Variants in GMDS observed in about 807,000 individuals in gnomAD.
The protein encoded by GMDS is GDP-mannose 4,6-dehydratase.
A neutral mutation model predicts 49.9 loss-of-function variants in GMDS; 20 were observed. That is an observed-to-expected ratio of 0.40 (90% CI 0.28 to 0.58). GMDS has a LOEUF of 0.58. Ranked by LOEUF, GMDS falls within the 20% of genes least tolerant of loss-of-function variation. The pLI is 0.42. For missense variants in GMDS, 362 were observed against 481.4 expected, an observed-to-expected ratio of 0.75 and a Z score of 2.32; for synonymous variants, 177 against 178.6, an observed-to-expected ratio of 0.99 and a Z score of 0.07.
chr6:1,939,910 C>T (rs569087377), intron 6 of GMDS, among the ~76,000 whole-genome samples: 3 of 152,222 alleles, frequency 2.0e-5, no homozygotes, highest in East Asian at 3.9e-4. Flanking sequence ...ATGCCGTAGA[C>T]GTAAGGAAGA....
chr6:1,818,654 C>T (rs969883148), intron 7 of GMDS, among the ~76,000 whole-genome samples: 1 of 146,982 alleles, frequency 6.8e-6, no homozygotes, highest in Non-Finnish European at 1.5e-5. Flanking sequence ...GAAAGGCTAA[C>T]TATCTGGTGG....
At chr6:2,065,916 G>C (rs1771554687) in intron 4 of GMDS, among the ~76,000 whole-genome samples, 1 of 152,168 alleles carries the variant, frequency 6.6e-6, no homozygotes, top group African/African-American at 2.4e-5. Flanking sequence ...AGGAAATACA[G>C]AGAATGCCAC....
intron 9 of GMDS, among the ~76,000 whole-genome samples, chr6:1,676,938 T>TA (rs1236674162): frequency 2.6e-5 from 4 of 152,138 alleles, no homozygotes; most frequent in African/African-American, 4.8e-5. Context: ...AAATGGGATC[T>TA]AATTAAACGA....
intron 6 of GMDS, among the ~76,000 whole-genome samples, chr6:1,937,653 A>T (rs1762615845): frequency 6.6e-6 from 1 of 152,156 alleles, no homozygotes; most frequent in Non-Finnish European, 1.5e-5. Context: ...GCTTTCTCCA[A>T]TGTGTGTCTA....
Position 1,863,829 on chromosome 6 carries a change from G to A in GMDS, c.771+66274C>T, listed in dbSNP as rs569331053. On this transcript the variant is annotated intron_variant, in intron 7 of 10. Transcript: ENST00000380815. ...TACATGTACATTTCTTCACATTTCT[G>A]CATTTTAGCAAATCACAAATTACCA... Among the ~76,000 whole-genome samples, 3 of 152,072 alleles carry A rather than the reference G, an allele frequency of 2.0e-5. No homozygotes were observed. The South Asian group carries it at 6.2e-4, about 32-fold the overall frequency.
At chr6:2,165,400 C>G (rs935577367) in intron 1 of GMDS, among the ~76,000 whole-genome samples, 2 of 152,214 alleles carry the variant, frequency 1.3e-5, no homozygotes, top group African/African-American at 4.8e-5. Context: ...AGGAGAAGAC[C>G]CATGTCCCAG....
chr6:1,785,124 T>G (rs1769264971), intron 7 of GMDS, among the ~76,000 whole-genome samples: 1 of 152,178 alleles, frequency 6.6e-6, no homozygotes, highest in African/African-American at 2.4e-5. Flanking sequence ...TCTAAGAAGT[T>G]GACCCATTAT....
chr6:1,860,316 C>T (rs1401459252), intron 7 of GMDS, among the ~76,000 whole-genome samples: 4 of 152,152 alleles, frequency 2.6e-5, no homozygotes, highest in African/African-American at 9.7e-5. Context: ...CTGATATACA[C>T]AACATGGATA....
intron 9 of GMDS, among the ~76,000 whole-genome samples, chr6:1,668,725 C>A (rs9501752): frequency 0.081 from 8,563 of 105,172 alleles, 716 homozygotes; most frequent in African/African-American, 0.21. Context: ...AACAAACAAA[C>A]AAAAAAAACC....
chr6:1,871,033 C>T (rs2113802777), intron 7 of GMDS, among the ~76,000 whole-genome samples: 1 of 150,152 alleles, frequency 6.7e-6, no homozygotes, highest in East Asian at 2.0e-4. Context: ...AAACTGCATC[C>T]ACCCATCCAT....
At chr6:2,202,277 C>CTA (rs1427975368) in intron 1 of GMDS, among the ~76,000 whole-genome samples, 1 of 150,680 alleles carries the variant, frequency 6.6e-6, no homozygotes, top group African/African-American at 2.4e-5. Flanking sequence ...ATGAAACCAT[C>CTA]TAGGCAGTGA....
rs1352513467 is a variant in GMDS at position 1,766,816 on chromosome 6, T to G, written c.772-24230A>C. On this transcript the variant is annotated intron_variant, in intron 7 of 10. Transcript: ENST00000380815. This position sits in a 1 kb window ranked among gnomAD's most constrained non-coding sequence, Gnocchi z 4.5. ...CCAACAAACTCTAAAATGTTAGCTG[T>G]GGGCTGAAACACTGACTGGACTAAA... Among the ~76,000 whole-genome samples the G allele has an allele frequency of 6.6e-6, 1 of 152,246 alleles. No individual in the cohort carries two copies. The highest frequency in any genetic ancestry group is 1.5e-5 in the Non-Finnish European group (1 of 68,040).
chr6:2,007,612 C>T (rs894767515), intron 4 of GMDS, among the ~76,000 whole-genome samples: 4 of 150,492 alleles, frequency 2.7e-5, no homozygotes, highest in East Asian at 2.0e-4. Flanking sequence ...TTTTATTTTA[C>T]GTTCAGGGGA....
At chr6:2,057,943 C>G (rs1191860749) in intron 4 of GMDS, among the ~76,000 whole-genome samples, 2 of 152,056 alleles carry the variant, frequency 1.3e-5, no homozygotes, top group African/African-American at 2.4e-5. Context: ...ACATGACAAC[C>G]ACCTTGGGCA....
At chr6:2,213,580 TAA>T (rs887400297) in intron 1 of GMDS, among the ~76,000 whole-genome samples, 3 of 151,412 alleles carry the variant, frequency 2.0e-5, no homozygotes, top group African/African-American at 7.3e-5. Context: ...ACATACGGAG[TAA>T]AAAAATAAAA....
At chr6:1,732,361 T>C (rs1208796138) in intron 8 of GMDS, among the ~76,000 whole-genome samples, 2 of 152,018 alleles carry the variant, frequency 1.3e-5, no homozygotes, top group African/African-American at 2.4e-5. Context: ...AAAGATAAAA[T>C]ACATGTGGTT....
chr6:1,769,605 C>T (rs1306772205), intron 7 of GMDS, among the ~76,000 whole-genome samples: 6 of 152,232 alleles, frequency 3.9e-5, no homozygotes, highest in Non-Finnish European at 7.3e-5. Context: ...GCCCAAGCTT[C>T]GACCTCAATA....
At chr6:2,165,000 T>C (rs1158579570) in intron 1 of GMDS, among the ~76,000 whole-genome samples, 1 of 152,236 alleles carries the variant, frequency 6.6e-6, no homozygotes, top group African/African-American at 2.4e-5. Flanking sequence ...TATCCAATGG[T>C]GATATCTTGT....
chr6:2,056,855 C>A (rs1004256099), intron 4 of GMDS, among the ~76,000 whole-genome samples: 84 of 152,114 alleles, frequency 5.5e-4, no homozygotes, highest in Non-Finnish European at 8.8e-5. Flanking sequence ...TTTACACCAA[C>A]CAAAAGTATT....
Sources: gnomAD v4.1 joint callset for allele counts (sites outside exome capture counted in the v4.1 genomes callset) on GRCh38, gnomAD v4.1.1 for gene constraint, Gnocchi (gnomAD v3.1) non-coding constraint, MANE v1.5 for transcripts, NCBI Gene and HGNC (gene_info 2026-07-23, HGNC 2026-07-21) for gene names.